The following FBXL4 variants were observed in gnomAD, a reference collection of about 807,000 sequenced individuals.
The protein encoded by FBXL4 is F-box and leucine rich repeat protein 4.
A neutral mutation model predicts 58.9 loss-of-function variants in FBXL4; 40 were observed. The observed-to-expected ratio is 0.68, with a 90% CI of 0.53 to 0.88. The LOEUF is 0.88. Ranked by LOEUF, FBXL4 falls within the 40% of genes least tolerant of loss-of-function variation. FBXL4 has a pLI of 0.00. For missense variants in FBXL4, 676 were observed against 734.4 expected, an observed-to-expected ratio of 0.92 and a Z score of 0.92; for synonymous variants, 263 against 265.5, an observed-to-expected ratio of 0.99 and a Z score of 0.09.
intron 6 of FBXL4, among the ~76,000 whole-genome samples, chr6:98,902,670 T>C (rs1771658574): frequency 6.6e-6 from 1 of 151,710 alleles, no homozygotes; most frequent in African/African-American, 2.4e-5. Flanking sequence ...ATCAAGGCCA[T>C]TCAGCAAATA....
intron 9 of FBXL4, 43 bp from the exon 10 acceptor site, chr6:98,874,484 G>A: frequency 6.5e-7 from 1 of 1,549,030 alleles, no homozygotes; most frequent in Non-Finnish European, 8.7e-7. Flanking sequence ...AACACCTTAA[G>A]TATAACATTT....
At chr6:98,920,525 T>C (rs1471009570) in intron 4 of FBXL4, among the ~76,000 whole-genome samples, 1 of 152,002 alleles carries the variant, frequency 6.6e-6, no homozygotes, top group Non-Finnish European at 1.5e-5. Flanking sequence ...TTTTTCTTGA[T>C]AACCTAAAAA....
intron 7 of FBXL4, chr6:98,897,248 G>GT: frequency 1.0e-6 from 1 of 985,236 alleles, no homozygotes; most frequent in Non-Finnish European, 1.2e-6. Context: ...TAAAAAGCAG[G>GT]TATGGCATAA....
chr6:98,928,839 A>G (rs1166022310), intron 2 of FBXL4, among the ~76,000 whole-genome samples: 1 of 152,204 alleles, frequency 6.6e-6, no homozygotes, highest in Middle Eastern at 3.2e-3. Context: ...AGCAAACCCA[A>G]TCAAGTTCTA....
At chr6:98,936,544 G>C (rs1369901543) in intron 1 of FBXL4, among the ~76,000 whole-genome samples, 1 of 152,098 alleles carries the variant, frequency 6.6e-6, no homozygotes, top group African/African-American at 2.4e-5. Context: ...TTAACATGAC[G>C]ACAATGAGGA....
intron 1 of FBXL4, among the ~76,000 whole-genome samples, chr6:98,945,567 C>G (rs1468659588): frequency 1.3e-5 from 2 of 152,124 alleles, no homozygotes; most frequent in Non-Finnish European, 2.9e-5. Context: ...TTAAAGAATG[C>G]ATACATTTAT....
In FBXL4 at chr6:98,880,635, G is replaced by A. The variant is rs1178491330; in HGVS notation, c.1318-11C>T. 6.2e-7 allele frequency: 1 copy of A among 1,612,278 alleles called. No individual in the cohort carries two copies. Among genetic ancestry groups the A allele is most frequent in the Non-Finnish European group, 8.5e-7 (1 of 1,178,634 alleles). On this transcript the variant is annotated splice_polypyrimidine_tract_variant and intron_variant, in intron 7 of 9. Transcript: ENST00000369244. ...GAGCAGTGCTGTTTGCTGCCATTAG[G>A]GACCACATCAGAGGCAAATATGGAA...
intron 2 of FBXL4, among the ~76,000 whole-genome samples, chr6:98,932,586 C>G (rs1773053587): frequency 6.6e-6 from 1 of 151,982 alleles, no homozygotes; most frequent in East Asian, 1.9e-4. Flanking sequence ...CGGAGAGAAG[C>G]AGGATGGCAG....
At chr6:98,883,963 T>G (rs1334491817) in intron 7 of FBXL4, among the ~76,000 whole-genome samples, 1 of 151,942 alleles carries the variant, frequency 6.6e-6, no homozygotes, top group Non-Finnish European at 1.5e-5. Context: ...TTTCTTAAAT[T>G]AATCTCCCCT....
At chr6:98,879,267 A>C (rs9375733) in intron 8 of FBXL4, among the ~76,000 whole-genome samples, 24,208 of 152,164 alleles carry the variant, frequency 0.16, 2,314 homozygotes, top group East Asian at 0.47. Context: ...AGAATCTTGC[A>C]ATCATTTTGC....
intron 1 of FBXL4, among the ~76,000 whole-genome samples, chr6:98,937,700 GA>G (rs1457423779): frequency 3.3e-5 from 5 of 152,108 alleles, no homozygotes; most frequent in Admixed American, 6.5e-5. Flanking sequence ...AATTCTGCCT[GA>G]CTTTTTGCTA....
At chr6:98,878,029 G>A (rs1345058755) in intron 8 of FBXL4, among the ~76,000 whole-genome samples, 4 of 152,270 alleles carry the variant, frequency 2.6e-5, no homozygotes, top group East Asian at 3.9e-4. Context: ...ACTGGCACTT[G>A]TGGCACAAAG....
intron 5 of FBXL4, among the ~76,000 whole-genome samples, chr6:98,912,615 C>T (rs1217733224): frequency 3.3e-5 from 5 of 151,998 alleles, no homozygotes; most frequent in African/African-American, 1.2e-4. Context: ...ACTTCACGGA[C>T]AAGCAAATGC....
At chr6:98,919,186 A>G (rs1772486082) in intron 4 of FBXL4, among the ~76,000 whole-genome samples, 1 of 152,162 alleles carries the variant, frequency 6.6e-6, no homozygotes, top group South Asian at 2.1e-4. Context: ...GGAAGAATGG[A>G]GAGGGAAGTA....
intron 1 of FBXL4, among the ~76,000 whole-genome samples, chr6:98,944,606 C>T (rs367784833): frequency 6.6e-6 from 1 of 152,136 alleles, no homozygotes; most frequent in Non-Finnish European, 1.5e-5. Flanking sequence ...CACTGACGGC[C>T]TTTATTTTTT....
In FBXL4 at chr6:98,926,486, G is replaced by C; in HGVS notation, c.503C>G (p.Ala168Gly). Reference sequence around the variant, plus strand: ...AAAAAATTAGTCTTACCTTACTTCAGCTGGTGGATTTGGGGAATAAGGATT... The same window carrying C: ...AAAAAATTAGTCTTACCTTACTTCACCTGGTGGATTTGGGGAATAAGGATT... ...SANPYSPNPPAEVRWEILWSE... is the reference protein window; with the variant it reads ...SANPYSPNPPGEVRWEILWSE... The change falls in exon 4 of 10, where the codon GCT becomes GGT. Residue 168 changes from alanine (A) to glycine (G), a missense_variant. Physicochemically the swap from Ala to Gly is moderately conservative, Grantham distance 60. Transcript: ENST00000369244. The C allele has an allele frequency of 6.2e-7, 1 of 1,604,772 alleles. No homozygotes were observed. The highest frequency in any genetic ancestry group is 1.1e-5 in the South Asian group (1 of 90,150).
intron 7 of FBXL4, among the ~76,000 whole-genome samples, chr6:98,894,907 G>A (rs1442267566): frequency 2.6e-5 from 4 of 151,996 alleles, no homozygotes; most frequent in African/African-American, 7.2e-5. Flanking sequence ...ATCTTATAAG[G>A]CTAAAAATTC....
At chr6:98,883,965 A>G (rs1770941226) in intron 7 of FBXL4, among the ~76,000 whole-genome samples, 2 of 150,032 alleles carry the variant, frequency 1.3e-5, no homozygotes, top group South Asian at 4.2e-4. Flanking sequence ...TCTTAAATTA[A>G]TCTCCCCTCC....
chr6:98,930,704 T>C (rs1772980708), intron 2 of FBXL4, among the ~76,000 whole-genome samples: 1 of 151,952 alleles, frequency 6.6e-6, no homozygotes, highest in Non-Finnish European at 1.5e-5. Flanking sequence ...CATGATCGTG[T>C]CACTGTACTC....
Sources: gnomAD v4.1 joint callset for allele counts (sites outside exome capture counted in the v4.1 genomes callset) on GRCh38, gnomAD v4.1.1 for gene constraint, MANE v1.5 for transcripts, NCBI Gene and HGNC (gene_info 2026-07-23, HGNC 2026-07-21) for gene names.